EVA1C: variants seen among roughly 807,000 people sequenced by gnomAD.
EVA1C encodes the protein eva-1 homolog C.
A neutral mutation model predicts 45.4 loss-of-function variants in EVA1C; 25 were observed. The ratio of observed to expected loss-of-function variants is 0.55; its 90% CI spans 0.40 to 0.77. The LOEUF is 0.77. Ranked by LOEUF, EVA1C falls within the 30% of genes least tolerant of loss-of-function variation. The pLI, the probability that EVA1C is intolerant of heterozygous loss-of-function variation, is 0.00. For synonymous variants in EVA1C, 190 were observed against 221.2 expected (o/e 0.86, Z 1.25); for missense variants, 479 against 554.8 (o/e 0.86, Z 1.37).
chr21:32,456,139 G>A (rs2035773171), intron 2 of EVA1C, among the ~76,000 whole-genome samples: 3 of 152,218 alleles, frequency 2.0e-5, no homozygotes, highest in Middle Eastern at 3.4e-3. Context: ...TGATCTGCCC[G>A]CTTCGGCCCC....
rs542900832 is a variant in EVA1C, at chr21:32,515,116, C to A, written c.1252C>A (p.Gln418Lys). 1.9e-6 allele frequency: 3 copies of A among 1,613,874 alleles called. No individual in the cohort carries two copies. The highest frequency in any genetic ancestry group is 1.3e-5 in the African/African-American group (1 of 75,030). The stretch of plus-strand genomic sequence containing the variant: ...CGCAGAAAGGATTGAGCGCAGGGAG[C>A]AAATCATTCAGGAAATATGGATGAA... ...ELAERIERRE[Q>K]IIQEIWMNSG... The change falls in exon 8 of 8, where the codon CAA becomes AAA. Residue 418 changes from glutamine to lysine, a missense_variant. Around this residue, in one of 3 missense-constraint regions of EVA1C, gnomAD observed 366 missense variants for 426.1 expected, o/e 0.86. Transcript: ENST00000300255.
At chr21:32,435,256 G>T (rs1047666741) in intron 1 of EVA1C, among the ~76,000 whole-genome samples, 1 of 152,064 alleles carries the variant, frequency 6.6e-6, no homozygotes, top group African/African-American at 2.4e-5. Flanking sequence ...GTCTCGCTAT[G>T]TTGTGCAGGC....
At chr21:32,465,081 A>G (rs73190693) in intron 3 of EVA1C, among the ~76,000 whole-genome samples, 5,457 of 152,284 alleles carry the variant, frequency 0.036, 112 homozygotes, top group South Asian at 0.076. Context: ...AAATGTTTAA[A>G]TTACAAAACA....
chr21:32,494,897 A>G (rs2037292145), intron 4 of EVA1C, 130 bp from the exon 5 acceptor site: 3 of 1,011,700 alleles, frequency 3.0e-6, no homozygotes, highest in Non-Finnish European at 4.4e-6. Context: ...ATGAGACAGA[A>G]AATAAGCAGA....
intron 1 of EVA1C, among the ~76,000 whole-genome samples, chr21:32,449,286 G>A (rs1182789890): frequency 1.3e-5 from 2 of 152,256 alleles, no homozygotes; most frequent in African/African-American, 2.4e-5. Flanking sequence ...GGGTTTGGAC[G>A]TATGGACAAT....
intron 6 of EVA1C, among the ~76,000 whole-genome samples, chr21:32,503,576 G>A (rs2037628195): frequency 1.7e-5 from 2 of 115,552 alleles, no homozygotes; most frequent in East Asian, 2.1e-4. Flanking sequence ...AAAATAAAGC[G>A]AGATATTATT....
intron 4 of EVA1C, among the ~76,000 whole-genome samples, chr21:32,475,503 T>C (rs570171154): frequency 6.8e-6 from 1 of 147,414 alleles, no homozygotes; most frequent in South Asian, 2.2e-4. Flanking sequence ...CCAAGTCGAG[T>C]ATGAGCTGAG....
At chr21:32,501,072 C>T (rs974296085) in intron 5 of EVA1C, among the ~76,000 whole-genome samples, 1 of 152,182 alleles carries the variant, frequency 6.6e-6, no homozygotes, top group Non-Finnish European at 1.5e-5. Flanking sequence ...CTCGACCTCC[C>T]GAAGTGCTAG....
At chr21:32,457,228 G>A (rs972990890) in intron 2 of EVA1C, among the ~76,000 whole-genome samples, 5 of 152,170 alleles carry the variant, frequency 3.3e-5, no homozygotes, top group South Asian at 2.1e-4. Flanking sequence ...AGGGGACCCC[G>A]CTCGAAGGGG....
At chr21:32,450,151 C>T (rs1272547640) in intron 1 of EVA1C, among the ~76,000 whole-genome samples, 2 of 152,188 alleles carry the variant, frequency 1.3e-5, no homozygotes, top group Non-Finnish European at 2.9e-5. Context: ...GGATTGGAGG[C>T]TCAGGCCACT....
intron 4 of EVA1C, among the ~76,000 whole-genome samples, chr21:32,482,854 CTT>C (rs774611494): frequency 1.3e-4 from 8 of 60,966 alleles, no homozygotes; most frequent in African/African-American, 1.6e-4. Flanking sequence ...GTGTTATTCC[CTT>C]TTTTTTTTTT....
chr21:32,475,774 C>A (rs373004183), intron 4 of EVA1C, among the ~76,000 whole-genome samples: 3 of 151,998 alleles, frequency 2.0e-5, no homozygotes, highest in Non-Finnish European at 2.9e-5. Context: ...CCCTTTCTTC[C>A]GGCTGACTTC....
At chr21:32,442,572 TG>T (rs2035215198) in intron 1 of EVA1C, among the ~76,000 whole-genome samples, 1 of 149,580 alleles carries the variant, frequency 6.7e-6, no homozygotes, top group Admixed American at 6.7e-5. Flanking sequence ...ACTTCAAACA[TG>T]TAAAAACACC....
At chr21:32,438,672 G>T (rs1319473738) in intron 1 of EVA1C, among the ~76,000 whole-genome samples, 1 of 151,918 alleles carries the variant, frequency 6.6e-6, no homozygotes, top group Non-Finnish European at 1.5e-5. Flanking sequence ...TTGATTTAGG[G>T]GTTATAAATA....
At chr21:32,469,427 G>A (rs937241736) in intron 4 of EVA1C, among the ~76,000 whole-genome samples, 6 of 152,162 alleles carry the variant, frequency 3.9e-5, no homozygotes, top group Non-Finnish European at 7.4e-5. Flanking sequence ...TGGACGCAAC[G>A]CCCTGAGGCT....
chr21:32,464,822 C>CA (rs1352915726), intron 3 of EVA1C, among the ~76,000 whole-genome samples: 2 of 151,766 alleles, frequency 1.3e-5, no homozygotes, highest in Non-Finnish European at 2.9e-5. Context: ...GACCCCGTCT[C>CA]AAAAAACAAA....
chr21:32,429,733 A>C (rs2034626407), intron 1 of EVA1C, among the ~76,000 whole-genome samples: 1 of 152,228 alleles, frequency 6.6e-6, no homozygotes, highest in Non-Finnish European at 1.5e-5. Flanking sequence ...AGAGCTGTCC[A>C]ATAGAAATAT....
chr21:32,505,988 G>A (rs1419887113), intron 7 of EVA1C, among the ~76,000 whole-genome samples: 5 of 151,974 alleles, frequency 3.3e-5, no homozygotes, highest in African/African-American at 7.3e-5. Context: ...CATGGACAGC[G>A]GCAGGGCCAG....
chr21:32,464,534 C>T (rs1018425871), intron 3 of EVA1C, among the ~76,000 whole-genome samples: 4 of 151,874 alleles, frequency 2.6e-5, no homozygotes, highest in Admixed American at 6.6e-5. Flanking sequence ...AGAAAGATGG[C>T]GTTTAGGCCA....
Sources: gnomAD v4.1 joint callset for allele counts (sites outside exome capture counted in the v4.1 genomes callset) on GRCh38, gnomAD v4.1.1 for gene constraint, gnomAD v4.1.1 regional missense constraint, MANE v1.5 for transcripts, NCBI Gene and HGNC (gene_info 2026-07-23, HGNC 2026-07-21) for gene names.